The following CEP128 variants were observed in gnomAD, a reference collection of about 807,000 sequenced individuals.
The protein encoded by CEP128 is centrosomal protein 128kDa.
In CEP128, 132 loss-of-function variants were observed where a neutral mutation model predicts 156.7. The observed-to-expected ratio is 0.84, with a 90% confidence interval of 0.73 to 0.97. The LOEUF (loss-of-function observed/expected upper bound fraction) is 0.97. Ranked by LOEUF, CEP128 falls within the 50% of genes least tolerant of loss-of-function variation. CEP128 has a pLI of 0.00. For missense variants in CEP128, 1,252 were observed against 1,281.9 expected (o/e 0.98, Z 0.36); for synonymous variants, 469 against 448.9 (o/e 1.04, Z -0.57).
At chr14:80,624,929 C>T (rs188371673) in intron 19 of CEP128, among the ~76,000 whole-genome samples, 25 of 152,134 alleles carry the variant, frequency 1.6e-4, no homozygotes, top group Admixed American at 1.3e-3. Flanking sequence ...TGATATAGTC[C>T]GTTTTGTCTA....
At chr14:80,786,818 TGTAAAAAGA>T (rs1189274843) in intron 14 of CEP128, among the ~76,000 whole-genome samples, 1 of 152,046 alleles carries the variant, frequency 6.6e-6, no homozygotes, top group Non-Finnish European at 1.5e-5. Context: ...TGATCAAAAC[TGTAAAAAGA>T]GCCAGGCCCA....
intron 13 of CEP128, among the ~76,000 whole-genome samples, chr14:80,812,334 TTGC>T: frequency 6.6e-6 from 1 of 152,232 alleles, no homozygotes; most frequent in Non-Finnish European, 1.5e-5. Context: ...TTCCATTTCT[TTGC>T]TATTGTGAAT....
intron 2 of CEP128, among the ~76,000 whole-genome samples, chr14:80,930,249 A>G (rs1265139616): frequency 1.6e-4 from 25 of 152,198 alleles, no homozygotes; most frequent in Admixed American, 1.3e-3. Flanking sequence ...GACTCATATC[A>G]AAACCCTATC....
At chr14:80,603,805 T>C (rs1027581206) in intron 19 of CEP128, among the ~76,000 whole-genome samples, 2 of 152,206 alleles carry the variant, frequency 1.3e-5, no homozygotes, top group Non-Finnish European at 2.9e-5. Flanking sequence ...CCCATACTGC[T>C]AGGATAAAGA....
In CEP128 at chr14:80,598,564, C is replaced by T. The variant is rs570802261; in HGVS notation, c.2807-18141G>A. ...TTCTCTCCAAACTAATATGCAAGTT[C>T]CATACAATTTCTATCAAAATACAGC... On this transcript the variant is annotated intron_variant, in intron 19 of 24. Coordinates refer to ENST00000555265, the MANE Select transcript of CEP128 (RefSeq NM_152446.5). Among the ~76,000 whole-genome samples the T allele has an allele frequency of 4.5e-4, 69 of 152,222 alleles. 1 individual carries two copies. Among genetic ancestry groups the T allele is most frequent in the African/African-American group, 1.6e-3 (67 of 41,558 alleles).
chr14:80,729,058 GGTGTGTGTGTGTGTGTGTGTGTGTGT>G lies in CEP128; in HGVS notation c.2806+13991_2806+14016del, dbSNP rs559470308. ...CCTAGTCCCAGGCTGGGCTGGTGGG[GGTGTGTGTGTGTGTGTGTGTGTGTGT>G]GTGTGTGTGTGTGTGTGTGTGTGTG... is the stretch of plus-strand genomic sequence containing the variant. On this transcript the variant is annotated intron_variant, in intron 19 of 24. Transcript: ENST00000555265. 4.3e-4 allele frequency among the ~76,000 whole-genome samples: 45 copies of G among 105,054 alleles called. 1 individual carries two copies. The highest frequency in any genetic ancestry group is 1.8e-3 in the African/African-American group (36 of 19,976). The allele number at this position is 105,054 out of a possible 152,430, so 68.9% of individuals were successfully genotyped here.
intron 23 of CEP128, among the ~76,000 whole-genome samples, chr14:80,526,475 C>T (rs1163413517): frequency 1.3e-5 from 2 of 152,000 alleles, no homozygotes; most frequent in African/African-American, 2.4e-5. Context: ...ACTAGAATTC[C>T]AAAGTACAAT....
downstream of CEP128, among the ~76,000 whole-genome samples, chr14:80,492,636 A>G (rs1004603833): frequency 6.6e-6 from 1 of 152,180 alleles, no homozygotes; most frequent in Non-Finnish European, 1.5e-5. Context: ...TTTTCACATT[A>G]TTGGTGAAGT....
intron 19 of CEP128, among the ~76,000 whole-genome samples, chr14:80,619,206 C>A (rs565904757): frequency 2.6e-5 from 4 of 152,000 alleles, no homozygotes; most frequent in African/African-American, 9.7e-5. Flanking sequence ...ATGTGAAATC[C>A]CCATTTAGAT....
downstream of CEP128, among the ~76,000 whole-genome samples, chr14:80,491,923 C>T (rs1034526167): frequency 6.6e-6 from 1 of 152,172 alleles, no homozygotes; most frequent in African/African-American, 2.4e-5. Context: ...CCTCTGTGTT[C>T]ATATCATTTT....
In CEP128 at chr14:80,497,425, A is replaced by AGAT; in HGVS notation, c.*51_*53dup. On this transcript the variant is annotated 3_prime_UTR_variant, in exon 25 of 25. Coordinates refer to ENST00000555265, the MANE Select transcript of CEP128 (RefSeq NM_152446.5). ...CTGGGCCAAATTGCTGTAAGAATAGAGATGTTATTATTTGTAACATACTCA... is the reference window on the plus strand; with the variant it reads ...CTGGGCCAAATTGCTGTAAGAATAGAGATGATGTTATTATTTGTAACATACTCA... 8.4e-7 allele frequency: 1 copy of AGAT among 1,197,508 alleles called. No individual in the cohort carries two copies. Among genetic ancestry groups the AGAT allele is most frequent in the South Asian group, 1.3e-5 (1 of 78,430 alleles). 74.2% of individuals were successfully genotyped at this position (1,197,508 alleles called of 1,614,324 possible).
chr14:80,750,912 G>A (rs981558654), intron 18 of CEP128, among the ~76,000 whole-genome samples: 10 of 152,142 alleles, frequency 6.6e-5, no homozygotes, highest in African/African-American at 2.4e-4. Context: ...GGAAATTAAG[G>A]TTAAATAAGG....
chr14:80,924,780 T>G (rs2139551534), intron 2 of CEP128, among the ~76,000 whole-genome samples: 1 of 151,952 alleles, frequency 6.6e-6, no homozygotes, highest in East Asian at 1.9e-4. Flanking sequence ...TAAAAACATT[T>G]GAAAGCCACT....
In CEP128 at chr14:80,506,989, C is replaced by A. The variant is rs1490039531; in HGVS notation, c.3073-1969G>T. Reference sequence around the variant, plus strand: ...TGCCGTCCTTGCAATAGTGAGGGAGCAACCAGGGAGATCTGGTTGTTTAAG... The same window carrying A: ...TGCCGTCCTTGCAATAGTGAGGGAGAAACCAGGGAGATCTGGTTGTTTAAG... On this transcript the variant is annotated intron_variant, in intron 23 of 24. Coordinates refer to ENST00000555265, the MANE Select transcript of CEP128 (RefSeq NM_152446.5). Among the ~76,000 whole-genome samples the A allele has an allele frequency of 3.9e-5, 6 of 151,918 alleles. No individual in the cohort carries two copies. The East Asian group carries it at 1.2e-3, about 30-fold the overall frequency.
chr14:80,870,953 A>T (rs1887995712), intron 8 of CEP128, among the ~76,000 whole-genome samples: 1 of 151,910 alleles, frequency 6.6e-6, no homozygotes, highest in Admixed American at 6.6e-5. Context: ...TATACATAAC[A>T]ACTCAAAAAA....
intron 19 of CEP128, among the ~76,000 whole-genome samples, chr14:80,641,875 G>T (rs993663663): frequency 6.6e-6 from 1 of 151,968 alleles, no homozygotes; most frequent in Non-Finnish European, 1.5e-5. Context: ...GGATCATGAG[G>T]TCAGGAGATC....
chr14:80,542,891 G>A (rs532548693), intron 21 of CEP128, among the ~76,000 whole-genome samples: 4 of 152,296 alleles, frequency 2.6e-5, no homozygotes, highest in Non-Finnish European at 5.9e-5. Flanking sequence ...AAGCGCCTTG[G>A]TGAGGTAAAC....
chr14:80,477,472 A>T (rs2140142665), exon 15 of CEP128: 1 of 152,330 alleles, frequency 6.6e-6, no homozygotes, highest in South Asian at 2.1e-4. Flanking sequence ...AAATAAAAGA[A>T]TTATGAACAA....
chr14:80,538,705 CATT>C (rs1257382633), intron 21 of CEP128, among the ~76,000 whole-genome samples: 1 of 152,180 alleles, frequency 6.6e-6, no homozygotes, highest in Non-Finnish European at 1.5e-5. Context: ...AACTCCACTT[CATT>C]ATTTTTTTAA....
Sources: allele counts gnomAD v4.1 joint callset (sites outside exome capture counted in the v4.1 genomes callset), GRCh38; gene constraint gnomAD v4.1.1; transcripts MANE v1.5; gene names NCBI Gene and HGNC (gene_info 2026-07-23, HGNC 2026-07-21).